BCAT1: variants seen among roughly 807,000 people sequenced by gnomAD.
The protein encoded by BCAT1 is branched-chain-amino-acid aminotransferase, cytosolic.
BCAT1 carries 48 observed loss-of-function variants against 52.4 expected under a neutral mutation model. That is an observed-to-expected ratio of 0.92 (90% CI 0.73 to 1.16). The LOEUF (loss-of-function observed/expected upper bound fraction) is 1.16, where lower values mean the gene tolerates loss of function less well. Ranked by LOEUF, BCAT1 falls within the 50% of genes most tolerant of loss-of-function variation. The pLI is 0.00. For missense variants in BCAT1, 451 were observed against 457.1 expected (o/e 0.99, Z 0.12); for synonymous variants, 167 against 161.3 (o/e 1.04, Z -0.27).
intron 8 of BCAT1, chr12:24,834,779 T>C (rs766430276): frequency 3.6e-4 from 416 of 1,162,710 alleles, no homozygotes; most frequent in Non-Finnish European, 4.1e-4. Flanking sequence ...ATCAGGCAAA[T>C]TAATTGAAAA....
At chr12:24,859,331 A>T (rs796461500) in intron 5 of BCAT1, among the ~76,000 whole-genome samples, 1 of 152,174 alleles carries the variant, frequency 6.6e-6, no homozygotes, top group Admixed American at 6.5e-5. Flanking sequence ...TGAGTAAAGG[A>T]TTTTGCTTGC....
At chr12:24,833,647 G>C (rs1565451750) in intron 8 of BCAT1, among the ~76,000 whole-genome samples, 1 of 152,214 alleles carries the variant, frequency 6.6e-6, no homozygotes, top group South Asian at 2.1e-4. Context: ...GCCAAGTTCT[G>C]TAATTTTAAG....
At position 24,901,882 on chromosome 12, in the gene BCAT1, A is replaced by T; in HGVS notation, c.10T>A (p.Cys4Ser). Reference protein sequence around the residue: MKDCSNGCSAECTG... With the variant: MKDSSNGCSAECTG... ...CACTCTGCGGAGCATCCGTTACTGC[A>T]ATCCTTAAAGAAGAATTAAACCACC... The change falls in exon 2 of 11, where the codon TGC (cysteine) becomes AGC (serine). Residue 4 changes from cysteine (C) to serine (S), a missense_variant. Cys to Ser is a moderately radical substitution (Grantham distance 112). Coordinates refer to ENST00000261192, the MANE Select transcript of BCAT1 (RefSeq NM_005504.7). The T allele has an allele frequency of 6.2e-7, 1 of 1,613,996 alleles. No individual in the cohort carries two copies.
At chr12:24,943,723 G>A (rs973236351) in intron 1 of BCAT1, among the ~76,000 whole-genome samples, 4 of 152,254 alleles carry the variant, frequency 2.6e-5, no homozygotes, top group South Asian at 2.1e-4. Flanking sequence ...GGTGGCTCAC[G>A]CCTGTAATCC....
At chr12:24,887,080 A>ATATATATATATATAT (rs1555111554) in intron 3 of BCAT1, among the ~76,000 whole-genome samples, 1 of 40,746 alleles carries the variant, frequency 2.5e-5, no homozygotes, top group African/African-American at 7.7e-5. Context: ...AAAAAAAAAA[A>ATATATATATATATAT]ATATATATAT....
intron 1 of BCAT1, chr12:24,902,900 C>T (rs1381627635): frequency 6.6e-7 from 1 of 1,515,152 alleles, no homozygotes. Context: ...TACCGAGACC[C>T]GGGTTCCAAT....
At chr12:24,900,529 A>G (rs146318469) in intron 2 of BCAT1, among the ~76,000 whole-genome samples, 16 of 152,346 alleles carry the variant, frequency 1.1e-4, no homozygotes, top group African/African-American at 3.4e-4. Context: ...GCTGAAAGTG[A>G]TACCTAATTG....
chr12:24,831,870 G>A (rs1400556408), intron 9 of BCAT1, among the ~76,000 whole-genome samples: 1 of 152,118 alleles, frequency 6.6e-6, no homozygotes, highest in African/African-American at 2.4e-5. Context: ...AAAACAATTT[G>A]ACAAGAAAAC....
At chr12:24,828,710 T>C (rs1158744289) in intron 10 of BCAT1, among the ~76,000 whole-genome samples, 1 of 152,228 alleles carries the variant, frequency 6.6e-6, no homozygotes, top group Admixed American at 6.5e-5. Flanking sequence ...AAAATAACTA[T>C]CTAAAAGTAT....
intron 2 of BCAT1, among the ~76,000 whole-genome samples, chr12:24,900,173 A>G (rs140909083): frequency 7.2e-4 from 109 of 152,338 alleles, no homozygotes; most frequent in Admixed American, 1.3e-3. Flanking sequence ...ATGCCTTATT[A>G]CATATGTGCT....
intron 1 of BCAT1, chr12:24,902,368 T>G: frequency 8.5e-7 from 1 of 1,169,824 alleles, no homozygotes; most frequent in East Asian, 4.7e-5. Flanking sequence ...AGCAGGGTCC[T>G]CCGATGCCGC....
At chr12:24,925,022 A>G (rs561293656) in intron 1 of BCAT1, among the ~76,000 whole-genome samples, 2 of 152,326 alleles carry the variant, frequency 1.3e-5, no homozygotes, top group African/African-American at 4.8e-5. Context: ...CTACAGAGTG[A>G]TGGTTAATTT....
At chr12:24,837,115 A>AACAGAG (rs1941006216) in intron 7 of BCAT1, among the ~76,000 whole-genome samples, 1 of 123,256 alleles carries the variant, frequency 8.1e-6, no homozygotes, top group Non-Finnish European at 1.8e-5. Context: ...AAGAAAGAGA[A>AACAGAG]GGAAGGGAGG....
intron 1 of BCAT1, among the ~76,000 whole-genome samples, chr12:24,917,334 A>C (rs767957138): frequency 2.7e-5 from 4 of 149,858 alleles, no homozygotes; most frequent in African/African-American, 9.9e-5. Context: ...GCCCGCCACC[A>C]CGCCCGGCTA....
At chr12:24,927,392 C>A (rs966539714) in intron 1 of BCAT1, among the ~76,000 whole-genome samples, 1 of 152,120 alleles carries the variant, frequency 6.6e-6, no homozygotes, top group Non-Finnish European at 1.5e-5. Flanking sequence ...CATAGACAAG[C>A]TACATAGCAA....
intron 5 of BCAT1, among the ~76,000 whole-genome samples, chr12:24,868,769 TAAAG>T (rs1942096603): frequency 1.3e-5 from 2 of 152,068 alleles, no homozygotes; most frequent in African/African-American, 4.8e-5. Flanking sequence ...GTATAAAACA[TAAAG>T]AAAACTTTAA....
Position 24,812,989 on chromosome 12 carries a change from G to A in BCAT1, c.*5019C>T, listed in dbSNP as rs1201884781. 6.6e-6 allele frequency: 1 copy of A among 151,978 alleles called. No homozygotes were observed. Among genetic ancestry groups the A allele is most frequent in the Non-Finnish European group, 1.5e-5 (1 of 67,898 alleles). The allele number at this position is 151,978 out of a possible 1,614,324, so 9.4% of individuals were successfully genotyped here. On this transcript the variant is annotated 3_prime_UTR_variant, in exon 11 of 11. Coordinates refer to ENST00000261192, the MANE Select transcript of BCAT1 (RefSeq NM_005504.7). ...AATACACTTTCAGACAGAATAAGAT[G>A]ACTTAAAACTTCAATACTTGTATCC...
intron 5 of BCAT1, among the ~76,000 whole-genome samples, chr12:24,870,504 A>G (rs1942153444): frequency 6.6e-6 from 1 of 152,192 alleles, no homozygotes. Context: ...CGCCATCAAT[A>G]TGCACTCATT....
chr12:24,902,036 C>A, intron 1 of BCAT1, 151 bp from the exon 2 acceptor site: 8 of 1,555,624 alleles, frequency 5.1e-6, no homozygotes, highest in Middle Eastern at 2.3e-4. Context: ...AGCACCCAGG[C>A]CCGAACCTCC....
Sources: gnomAD v4.1 joint callset for allele counts (sites outside exome capture counted in the v4.1 genomes callset) on GRCh38, gnomAD v4.1.1 for gene constraint, MANE v1.5 for transcripts, NCBI Gene and HGNC (gene_info 2026-07-23, HGNC 2026-07-21) for gene names.